The following RBFOX1 variants were observed in gnomAD, a reference collection of about 807,000 sequenced individuals.
RBFOX1 encodes the protein RNA binding fox-1 homolog 1, also known as RNA binding protein fox-1 homolog 1.
In RBFOX1, 8 loss-of-function variants were observed where a neutral mutation model predicts 57.7. That is an observed-to-expected ratio of 0.14 (90% confidence interval 0.08 to 0.25). RBFOX1 has a LOEUF of 0.25. Among genes scored for constraint, RBFOX1 ranks in the 10% least tolerant of loss-of-function variants. The probability of loss-of-function intolerance (pLI) is 1.00; values close to 1 mark genes in which losing one functional copy is unlikely to be tolerated. For synonymous variants in RBFOX1, 326 were observed against 222.4 expected, an observed-to-expected ratio of 1.47 and a Z score of -4.15; for missense variants, 611 against 548.5, an observed-to-expected ratio of 1.11 and a Z score of -1.14.
At chr16:7,121,484 T>A (rs2067170431) in intron 4 of RBFOX1, among the ~76,000 whole-genome samples, 1 of 151,982 alleles carries the variant, frequency 6.6e-6, no homozygotes, top group South Asian at 2.1e-4. Flanking sequence ...CTCCAAAAAA[T>A]GCAATACTTA....
intron 3 of RBFOX1, among the ~76,000 whole-genome samples, chr16:6,881,036 C>T (rs2062832565): frequency 6.6e-6 from 1 of 152,174 alleles, no homozygotes; most frequent in Admixed American, 6.5e-5. Flanking sequence ...TCCACCTTCC[C>T]CTCCTATGCC....
intron 4 of RBFOX1, among the ~76,000 whole-genome samples, chr16:7,189,026 C>T (rs1418883119): frequency 6.6e-6 from 1 of 152,028 alleles, no homozygotes; most frequent in African/African-American, 2.4e-5. Flanking sequence ...GACCTTAAGG[C>T]ATTTGGAGGT....
At chr16:7,499,410 C>A (rs2069870350) in intron 4 of RBFOX1, among the ~76,000 whole-genome samples, 3 of 152,102 alleles carry the variant, frequency 2.0e-5, no homozygotes, top group Admixed American at 1.3e-4. Flanking sequence ...CTGCAGTGAC[C>A]CCATTCCCAG....
At chr16:6,351,223 A>C (rs999150549) in intron 2 of RBFOX1, among the ~76,000 whole-genome samples, 1 of 151,336 alleles carries the variant, frequency 6.6e-6, no homozygotes, top group African/African-American at 2.4e-5. Flanking sequence ...TAAATATACA[A>C]CTGTGTAATT....
intron 4 of RBFOX1, among the ~76,000 whole-genome samples, chr16:7,136,825 T>G (rs967485191): frequency 1.3e-5 from 2 of 152,196 alleles, no homozygotes; most frequent in Non-Finnish European, 2.9e-5. Flanking sequence ...AACAAAAATC[T>G]CTGTACCAGA....
chr16:5,410,363 C>A (rs900189477), intron 1 of RBFOX1, among the ~76,000 whole-genome samples: 2 of 114,026 alleles, frequency 1.8e-5, no homozygotes, highest in Non-Finnish European at 3.7e-5. Context: ...CAGAATGAGA[C>A]CCTGTCTCAA....
At chr16:6,831,484 C>T (rs1298304755) in intron 3 of RBFOX1, among the ~76,000 whole-genome samples, 1 of 152,160 alleles carries the variant, frequency 6.6e-6, no homozygotes, top group Non-Finnish European at 1.5e-5. Context: ...CATTATATAT[C>T]ATTTACTTAG....
At chr16:6,543,157 C>T (rs1297470996) in intron 2 of RBFOX1, among the ~76,000 whole-genome samples, 1 of 152,178 alleles carries the variant, frequency 6.6e-6, no homozygotes, top group African/African-American at 2.4e-5. Flanking sequence ...ATTTGTACCC[C>T]ATCCCTTAGG....
chr16:6,850,429 G>C (rs968834922), intron 3 of RBFOX1, among the ~76,000 whole-genome samples: 1 of 152,124 alleles, frequency 6.6e-6, no homozygotes, highest in African/African-American at 2.4e-5. Context: ...TTCAAGCTGA[G>C]GGGTAAAGGA....
chr16:6,948,747 C>T (rs542643619), intron 3 of RBFOX1, among the ~76,000 whole-genome samples: 65 of 152,246 alleles, frequency 4.3e-4, no homozygotes, highest in Non-Finnish European at 7.8e-4. Context: ...GTTCACTACT[C>T]CATTCAACAA....
intron 2 of RBFOX1, among the ~76,000 whole-genome samples, chr16:6,622,964 T>C (rs777893350): frequency 5.9e-5 from 9 of 152,216 alleles, no homozygotes; most frequent in Non-Finnish European, 1.2e-4. Context: ...TTTAGACTCT[T>C]TGACATCCTT....
At chr16:6,947,194 A>G (rs2079714008) in intron 3 of RBFOX1, among the ~76,000 whole-genome samples, 1 of 152,304 alleles carries the variant, frequency 6.6e-6, no homozygotes, top group South Asian at 2.1e-4. Context: ...CTTTATGTGA[A>G]GGATGCAGTT....
At chr16:5,481,841 A>G (rs2069554393) in intron 2 of RBFOX1, among the ~76,000 whole-genome samples, 1 of 152,152 alleles carries the variant, frequency 6.6e-6, no homozygotes, top group Non-Finnish European at 1.5e-5. Flanking sequence ...GTGTCTCCAC[A>G]TGGTCTTCCC....
intron 2 of RBFOX1, among the ~76,000 whole-genome samples, chr16:5,533,389 T>A (rs2044564154): frequency 6.6e-6 from 1 of 152,162 alleles, no homozygotes; most frequent in African/African-American, 2.4e-5. Flanking sequence ...TAAGAAGTAA[T>A]CTTCAGTGTG....
intron 1 of RBFOX1, among the ~76,000 whole-genome samples, chr16:6,170,659 A>T (rs559489831): frequency 6.6e-6 from 1 of 152,288 alleles, no homozygotes; most frequent in East Asian, 1.9e-4. Context: ...AACCCGTGTC[A>T]CGGGGGTTTG....
At chr16:6,551,296 T>G (rs17140579) in intron 2 of RBFOX1, among the ~76,000 whole-genome samples, 1 of 152,098 alleles carries the variant, frequency 6.6e-6, no homozygotes, top group Non-Finnish European at 1.5e-5. Context: ...GGTTGGAGCT[T>G]TGCTACTGGG....
chr16:5,787,518 A>G (rs1366443707), intron 3 of RBFOX1, among the ~76,000 whole-genome samples: 1 of 152,186 alleles, frequency 6.6e-6, no homozygotes, highest in Non-Finnish European at 1.5e-5. Context: ...ACCTGACCCC[A>G]TACTCAAGGA....
At chr16:7,243,747 G>C (rs956982439) in intron 4 of RBFOX1, among the ~76,000 whole-genome samples, 2 of 151,962 alleles carry the variant, frequency 1.3e-5, no homozygotes, top group Admixed American at 1.3e-4. Context: ...ACAGGGTTTC[G>C]CTGTGCTTCC....
At position 5,694,262 on chromosome 16, in the gene RBFOX1, CTG is replaced by C. The variant is rs148593081; in HGVS notation, c.318+95304_318+95305del. Among the ~76,000 whole-genome samples, 950 of 152,322 alleles carry C rather than the reference CTG, an allele frequency of 6.2e-3. 8 individuals are homozygous for C. The highest frequency in any genetic ancestry group is 0.021 in the African/African-American group (863 of 41,564). ...GATTTACCAGCCTCAATTTCCAAGA[CTG>C]TGATCCTTCATCTTGACACACTGCT... On this transcript the variant is annotated intron_variant, in intron 3 of 19. Coordinates refer to the RBFOX1 transcript ENST00000641259.
Sources: gnomAD v4.1 joint callset for allele counts (sites outside exome capture counted in the v4.1 genomes callset) on GRCh38, gnomAD v4.1.1 for gene constraint, MANE v1.5 for transcripts, NCBI Gene and HGNC (gene_info 2026-07-23, HGNC 2026-07-21) for gene names.